Variants in UNC5C observed in about 807,000 individuals in gnomAD.
UNC5C encodes the protein unc-5 netrin receptor C.
A neutral mutation model predicts 99.8 loss-of-function variants in UNC5C; 47 were observed. The ratio of observed to expected loss-of-function variants is 0.47; its 90% CI spans 0.37 to 0.60. The LOEUF (loss-of-function observed/expected upper bound fraction) is 0.60, where lower values mean the gene tolerates loss of function less well. Among genes scored for constraint, UNC5C ranks in the 20% least tolerant of loss-of-function variants. UNC5C has a pLI of 0.00. For missense variants in UNC5C, 1,062 were observed against 1,165.9 expected (o/e 0.91, Z 1.30); for synonymous variants, 487 against 452.2 (o/e 1.08, Z -0.98).
chr4:95,250,446 G>GA, intron 5 of UNC5C, 41 bp downstream of exon 5: 1 of 1,580,826 alleles, frequency 6.3e-7, no homozygotes, highest in Middle Eastern at 1.7e-4. Flanking sequence ...AGAAACTGCA[G>GA]TTAAACATGA....
chr4:95,174,417 G>T (rs1474941878), intron 14 of UNC5C, among the ~76,000 whole-genome samples: 1 of 151,880 alleles, frequency 6.6e-6, no homozygotes, highest in Admixed American at 6.6e-5. Flanking sequence ...GCTTTGAATG[G>T]GTCCCAGAGA....
intron 1 of UNC5C, among the ~76,000 whole-genome samples, chr4:95,355,608 C>T (rs1744153209): frequency 6.6e-6 from 1 of 151,766 alleles, no homozygotes; most frequent in Non-Finnish European, 1.5e-5. Context: ...TTTTCTGCGC[C>T]CCACCCCCCC....
chr4:95,356,133 T>C (rs2149431991), intron 1 of UNC5C, among the ~76,000 whole-genome samples: 1 of 136,926 alleles, frequency 7.3e-6, no homozygotes, highest in Non-Finnish European at 1.5e-5. Context: ...GAAGCTGCAG[T>C]AAGCTGTGAT....
In UNC5C at chr4:95,408,685, A is replaced by G. The variant is rs529423352; in HGVS notation, c.125-73054T>C. ...AAATATTTGTGCTTAGGGCACTGAA[A>G]TATTTCTAATATAAAAATGTGTAAA... On this transcript the variant is annotated intron_variant, in intron 1 of 15. Transcript: ENST00000453304. Among the ~76,000 whole-genome samples, 18 of 152,312 alleles carry G rather than the reference A, an allele frequency of 1.2e-4. No homozygotes were observed. In the East Asian group the frequency reaches 2.9e-3, roughly 24 times the overall value.
intron 1 of UNC5C, among the ~76,000 whole-genome samples, chr4:95,441,361 G>A (rs991711858): frequency 5.9e-5 from 9 of 152,090 alleles, no homozygotes; most frequent in African/African-American, 1.2e-4. Context: ...TGCTCTTTGC[G>A]TAAATTTCAC....
intron 1 of UNC5C, among the ~76,000 whole-genome samples, chr4:95,490,405 T>C (rs1578192171): frequency 6.6e-6 from 1 of 151,716 alleles, no homozygotes; most frequent in Non-Finnish European, 1.5e-5. Flanking sequence ...TGTGAACTTT[T>C]AATTAATATA....
intron 1 of UNC5C, among the ~76,000 whole-genome samples, chr4:95,391,990 G>A (rs1472906057): frequency 6.6e-6 from 1 of 152,132 alleles, no homozygotes; most frequent in African/African-American, 2.4e-5. Context: ...CCCAGACGTC[G>A]AGGCTGCAGT....
At chr4:95,515,989 T>C (rs1018867893) in intron 1 of UNC5C, among the ~76,000 whole-genome samples, 2 of 152,202 alleles carry the variant, frequency 1.3e-5, no homozygotes, top group Non-Finnish European at 2.9e-5. Flanking sequence ...ATGAATATAT[T>C]AAATTTCATA....
At chr4:95,211,144 G>A (rs1292615969) in intron 10 of UNC5C, among the ~76,000 whole-genome samples, 3 of 152,148 alleles carry the variant, frequency 2.0e-5, no homozygotes, top group African/African-American at 7.2e-5. Context: ...CACCTCTGTG[G>A]GAACAGGAGA....
intron 2 of UNC5C, among the ~76,000 whole-genome samples, chr4:95,319,887 T>C (rs1742616284): frequency 6.6e-6 from 1 of 152,156 alleles, no homozygotes; most frequent in African/African-American, 2.4e-5. Context: ...GATTTAGTGG[T>C]ACAGAAACAA....
intron 1 of UNC5C, among the ~76,000 whole-genome samples, chr4:95,386,401 A>C (rs927566088): frequency 6.6e-6 from 1 of 152,038 alleles, no homozygotes; most frequent in Non-Finnish European, 1.5e-5. Context: ...TTGAGCCCAG[A>C]TAATACTTTC....
intron 2 of UNC5C, among the ~76,000 whole-genome samples, chr4:95,308,945 A>G (rs573436282): frequency 6.6e-6 from 1 of 152,248 alleles, no homozygotes; most frequent in Admixed American, 6.5e-5. Context: ...TAAAATTCAT[A>G]TAGAATCACA....
rs148797664 is a variant in UNC5C, at chr4:95,261,875, T to C, written c.595-11208A>G. Among the ~76,000 whole-genome samples the C allele has an allele frequency of 2.0e-4, 31 of 152,254 alleles. No individual in the cohort carries two copies. The East Asian group carries it at 5.6e-3, about 28-fold the overall frequency. On this transcript the variant is annotated intron_variant, in intron 4 of 15. Transcript: ENST00000453304. Reference sequence around the variant, plus strand: ...CATGCCACGATGCCCAGCTAATTTTTTCTATTTTTACTAGAGATGGGGTTT... The same window carrying C: ...CATGCCACGATGCCCAGCTAATTTTCTCTATTTTTACTAGAGATGGGGTTT...
At position 95,244,900 on chromosome 4, in the gene UNC5C, G is replaced by A. The variant is rs115524022; in HGVS notation, c.943+77C>T. The A allele has an allele frequency of 7.1e-4, 1,095 of 1,542,944 alleles. 3 individuals are homozygous for A. The African/African-American group carries it at 0.014, about 19-fold the overall frequency. ...ATCACACATTCAGATCAAGAATAAA[G>A]TCTGTGTATCTATTCTCTAAAAGCA... is the stretch of plus-strand genomic sequence containing the variant. On this transcript the variant is annotated intron_variant, in intron 6 of 15. Coordinates refer to ENST00000453304, the MANE Select transcript of UNC5C (RefSeq NM_003728.4).
chr4:95,362,323 A>T (rs1744420149), intron 1 of UNC5C, among the ~76,000 whole-genome samples: 1 of 152,116 alleles, frequency 6.6e-6, no homozygotes, highest in Non-Finnish European at 1.5e-5. Flanking sequence ...AAGGCAGTGT[A>T]ATTACAATGA....
intron 1 of UNC5C, among the ~76,000 whole-genome samples, chr4:95,481,558 C>CTTTTTTGTT (rs1721156688): frequency 6.6e-6 from 1 of 152,054 alleles, no homozygotes; most frequent in Admixed American, 6.6e-5. Context: ...CCAAGTCAAT[C>CTTTTTTGTT]CTAAGCCAAA....
At chr4:95,199,320 G>A (rs550694099) in intron 12 of UNC5C, among the ~76,000 whole-genome samples, 3 of 152,210 alleles carry the variant, frequency 2.0e-5, no homozygotes, top group South Asian at 2.1e-4. Context: ...AAGAGATGGC[G>A]TGACTGAAAT....
intron 1 of UNC5C, among the ~76,000 whole-genome samples, chr4:95,532,126 G>A (rs1722662095): frequency 6.6e-6 from 1 of 152,126 alleles, no homozygotes; most frequent in Non-Finnish European, 1.5e-5. Flanking sequence ...GGGTTTATTT[G>A]CTCAACTACA....
rs1739459059 is a variant in UNC5C at position 95,245,163 on chromosome 4, TAA to T, written c.776-21_776-20del. 6.2e-7 allele frequency: 1 copy of T among 1,605,750 alleles called. No homozygotes were observed. Among genetic ancestry groups the T allele is most frequent in the Non-Finnish European group, 8.5e-7 (1 of 1,177,350 alleles). On this transcript the variant is annotated intron_variant, in intron 5 of 15. Transcript: ENST00000453304. ...CCGTTGACTGAAAGGAGGCAAACAG[TAA>T]AAAGTGGATTAAACATGTGTGCATG...
Sources: gnomAD v4.1 joint callset for allele counts (sites outside exome capture counted in the v4.1 genomes callset) on GRCh38, gnomAD v4.1.1 for gene constraint, MANE v1.5 for transcripts, NCBI Gene and HGNC (gene_info 2026-07-23, HGNC 2026-07-21) for gene names.